Variants in GPC5 observed in about 807,000 individuals in gnomAD.
GPC5 encodes glypican-5.
GPC5 carries 47 observed loss-of-function variants against 53.9 expected under a neutral mutation model. The ratio of observed to expected loss-of-function variants is 0.87; its 90% CI spans 0.69 to 1.11. GPC5 has a LOEUF of 1.11. Ranked by LOEUF, GPC5 falls within the 50% of genes most tolerant of loss-of-function variation. The pLI, the probability that GPC5 is intolerant of heterozygous loss-of-function variation, is 0.00. For synonymous variants in GPC5, 286 were observed against 263.3 expected (o/e 1.09, Z -0.84); for missense variants, 748 against 713.1 (o/e 1.05, Z -0.56).
intron 7 of GPC5, among the ~76,000 whole-genome samples, chr13:92,421,377 G>C (rs1453007265): frequency 1.3e-5 from 2 of 152,126 alleles, no homozygotes; most frequent in African/African-American, 4.8e-5. Context: ...TTGTTATAAA[G>C]AAATGCCTGA....
chr13:92,481,376 C>A (rs1416762976), intron 7 of GPC5, among the ~76,000 whole-genome samples: 1 of 152,136 alleles, frequency 6.6e-6, no homozygotes, highest in East Asian at 1.9e-4. Context: ...GCTGGGATTG[C>A]AGGCATGACC....
At chr13:92,361,025 T>C (rs1437194938) in intron 7 of GPC5, among the ~76,000 whole-genome samples, 1 of 151,814 alleles carries the variant, frequency 6.6e-6, no homozygotes, top group Non-Finnish European at 1.5e-5. Context: ...CAAGGAATGC[T>C]GGACACTGAA....
At chr13:92,160,190 A>G (rs9560945) in intron 7 of GPC5, among the ~76,000 whole-genome samples, 7,734 of 152,260 alleles carry the variant, frequency 0.051, 460 homozygotes, top group African/African-American at 0.14. Flanking sequence ...GATTATAGGC[A>G]TGAAAGTATC....
intron 6 of GPC5, among the ~76,000 whole-genome samples, chr13:92,115,476 A>T (rs1036060963): frequency 4.5e-4 from 69 of 152,134 alleles, no homozygotes; most frequent in African/African-American, 1.6e-3. Flanking sequence ...CTGCACTCCA[A>T]CCTGGCAACA....
chr13:92,628,704 C>T (rs1453029916), intron 7 of GPC5, among the ~76,000 whole-genome samples: 1 of 152,146 alleles, frequency 6.6e-6, no homozygotes, highest in Non-Finnish European at 1.5e-5. Flanking sequence ...AGCTGAAACA[C>T]CCATCTGCCT....
intron 6 of GPC5, among the ~76,000 whole-genome samples, chr13:92,110,333 A>G (rs1335531989): frequency 2.0e-5 from 3 of 152,286 alleles, no homozygotes; most frequent in East Asian, 1.9e-4. Flanking sequence ...TTTGAATGCA[A>G]GACCTTATTA....
intron 7 of GPC5, among the ~76,000 whole-genome samples, chr13:92,303,701 C>G (rs1465856664): frequency 6.6e-6 from 1 of 152,032 alleles, no homozygotes; most frequent in East Asian, 1.9e-4. Context: ...TGAAGCCTTA[C>G]CAAGGTCATA....
intron 7 of GPC5, among the ~76,000 whole-genome samples, chr13:92,719,581 A>C (rs1888442904): frequency 1.3e-5 from 2 of 152,180 alleles, no homozygotes; most frequent in Admixed American, 1.3e-4. Flanking sequence ...ACTGACCTAA[A>C]AATAGATTTA....
chr13:92,120,429 T>A (rs1464582174), intron 6 of GPC5, among the ~76,000 whole-genome samples: 2 of 152,156 alleles, frequency 1.3e-5, no homozygotes, highest in African/African-American at 4.8e-5. Context: ...GGCTATTTTT[T>A]AAAATTTTTT....
intron 7 of GPC5, among the ~76,000 whole-genome samples, chr13:92,542,112 T>A (rs1303080025): frequency 6.6e-6 from 1 of 152,038 alleles, no homozygotes. Flanking sequence ...AATAGCTTTA[T>A]ACCATGTGTA....
intron 7 of GPC5, among the ~76,000 whole-genome samples, chr13:92,377,512 A>G (rs921497156): frequency 6.6e-6 from 1 of 152,224 alleles, no homozygotes. Flanking sequence ...TCAATTGTTC[A>G]GCTTTTCCAG....
At chr13:92,385,421 C>CATATATACATAT (rs2043789230) in intron 7 of GPC5, among the ~76,000 whole-genome samples, 1 of 30,080 alleles carries the variant, frequency 3.3e-5, no homozygotes, top group East Asian at 8.2e-4. Flanking sequence ...CATATATATA[C>CATATATACATAT]ATATATACAT....
At chr13:91,979,221 A>ATT (rs71700647) in intron 6 of GPC5, among the ~76,000 whole-genome samples, 6 of 150,688 alleles carry the variant, frequency 4.0e-5, no homozygotes, top group African/African-American at 1.5e-4. Flanking sequence ...GCCCATAGTG[A>ATT]TTTTTTTTTT....
chr13:92,692,033 C>G (rs2139235426), intron 7 of GPC5, among the ~76,000 whole-genome samples: 1 of 152,252 alleles, frequency 6.6e-6, no homozygotes, highest in East Asian at 1.9e-4. Flanking sequence ...CTCCTTCCCT[C>G]CCCCATCTAA....
At position 92,248,211 on chromosome 13, in the gene GPC5, A is replaced by T. The variant is rs946111476; in HGVS notation, c.1561+103222A>T. On this transcript the variant is annotated intron_variant, in intron 7 of 7. Coordinates refer to ENST00000377067, the MANE Select transcript of GPC5 (RefSeq NM_004466.6). ...AGAGGTATGGCCATAGGAAAAAAAA[A>T]AAAACAGATTTTTAGCCCCATAGGC... is the stretch of plus-strand genomic sequence containing the variant. 3.3e-5 allele frequency among the ~76,000 whole-genome samples: 5 copies of T among 152,208 alleles called. No homozygotes were observed. In the South Asian group the frequency reaches 8.3e-4, roughly 25 times the overall value.
Position 91,804,363 on chromosome 13 carries a change from G to C in GPC5, c.1280+47943G>C, listed in dbSNP as rs149616027. Among the ~76,000 whole-genome samples the C allele has an allele frequency of 3.6e-3, 544 of 152,284 alleles. 7 individuals carry two copies. Among genetic ancestry groups the C allele is most frequent in the African/African-American group, 0.013 (523 of 41,558 alleles). ...TAGCTCTCGTCTGTACTCACTCATG[G>C]TCCTTGCTCCCCCAACATCTTATTG... On this transcript the variant is annotated intron_variant, in intron 5 of 7. Coordinates refer to ENST00000377067, the MANE Select transcript of GPC5 (RefSeq NM_004466.6).
At chr13:92,027,953 G>C (rs1174218945) in intron 6 of GPC5, among the ~76,000 whole-genome samples, 1 of 114,308 alleles carries the variant, frequency 8.7e-6, no homozygotes. Context: ...AAATGGACAT[G>C]ACTGATATAT....
intron 7 of GPC5, among the ~76,000 whole-genome samples, chr13:92,317,005 TTAAAA>T (rs1183852705): frequency 1.3e-5 from 2 of 152,200 alleles, no homozygotes; most frequent in African/African-American, 4.8e-5. Flanking sequence ...TTATTCTATC[TTAAAA>T]TAAACTACAG....
chr13:92,369,901 A>G (rs2043636672), intron 7 of GPC5, among the ~76,000 whole-genome samples: 1 of 152,234 alleles, frequency 6.6e-6, no homozygotes, highest in South Asian at 2.1e-4. Context: ...TCTATTAAGG[A>G]AAGTCAACAA....
Sources: allele counts gnomAD v4.1 joint callset (sites outside exome capture counted in the v4.1 genomes callset), GRCh38; gene constraint gnomAD v4.1.1; transcripts MANE v1.5; gene names NCBI Gene and HGNC (gene_info 2026-07-23, HGNC 2026-07-21).